Variants in NR1D2 observed in about 807,000 individuals in gnomAD.
NR1D2 encodes nuclear receptor subfamily 1 group D member 2.
NR1D2 carries 25 observed loss-of-function variants against 52.2 expected under a neutral mutation model. The observed-to-expected ratio is 0.48, with a 90% CI of 0.35 to 0.67. The LOEUF (loss-of-function observed/expected upper bound fraction) is 0.67, where lower values mean the gene tolerates loss of function less well. NR1D2 is among the 30% of genes least tolerant of loss of function. The pLI is 0.01. For synonymous variants in NR1D2, 259 were observed against 230.1 expected (o/e 1.13, Z -1.14); for missense variants, 681 against 707.2 (o/e 0.96, Z 0.42).
chr3:23,959,284 ATCAG>A (rs1706175554), intron 3 of NR1D2, among the ~76,000 whole-genome samples: 1 of 151,394 alleles, frequency 6.6e-6, no homozygotes, highest in Non-Finnish European at 1.5e-5. Flanking sequence ...AAAAAAAAGA[ATCAG>A]TCATTCATAC....
In NR1D2 at chr3:23,978,892, T is replaced by A. The variant is rs1385700002; in HGVS notation, c.*1473T>A. ...AGTGGACTTGATTAAGTAGATAAGA[T>A]CAGCATCTGTTTATGGTAGTAGGAG... is the stretch of plus-strand genomic sequence containing the variant. On this transcript the variant is annotated 3_prime_UTR_variant, in exon 8 of 8. Coordinates refer to ENST00000312521, the MANE Select transcript of NR1D2 (RefSeq NM_005126.5). The A allele has an allele frequency of 6.6e-6, 1 of 152,104 alleles. No homozygotes were observed. The highest frequency in any genetic ancestry group is 1.5e-5 in the Non-Finnish European group (1 of 67,958). 9.4% of individuals were successfully genotyped at this position (152,104 alleles called of 1,614,324 possible). A position where few individuals can be genotyped will look rare whatever the true frequency, so the allele number is the denominator to read the frequency against.
intron 1 of NR1D2, among the ~76,000 whole-genome samples, chr3:23,947,222 T>G (rs1361680661): frequency 6.6e-6 from 1 of 152,216 alleles, no homozygotes; most frequent in Non-Finnish European, 1.5e-5. Context: ...TTCTAATAGC[T>G]TTAGTAACCT....
intron 3 of NR1D2, among the ~76,000 whole-genome samples, chr3:23,959,188 AG>A: frequency 6.6e-6 from 1 of 150,906 alleles, no homozygotes; most frequent in Non-Finnish European, 1.5e-5. Flanking sequence ...AAATTGAGCC[AG>A]GGAGGTCAGG....
chr3:23,974,987 T>G (rs1207676721), intron 7 of NR1D2, among the ~76,000 whole-genome samples: 8 of 151,870 alleles, frequency 5.3e-5, no homozygotes, highest in Admixed American at 5.2e-4. Context: ...CCCGGCTAAA[T>G]TTTGTATTTT....
At chr3:23,949,683 C>G (rs1383630737) in intron 1 of NR1D2, among the ~76,000 whole-genome samples, 1 of 152,212 alleles carries the variant, frequency 6.6e-6, no homozygotes, top group Non-Finnish European at 1.5e-5. Flanking sequence ...ATCTACTCTA[C>G]CACCCTTGGA....
At chr3:23,963,339 AGTC>A in intron 5 of NR1D2, 1 of 1,334,616 alleles carries the variant, frequency 7.5e-7, no homozygotes, top group Non-Finnish European at 9.8e-7. Flanking sequence ...AGGTAATTAA[AGTC>A]GTCTTTTTCA....
chr3:23,953,148 C>G (rs894597639), intron 1 of NR1D2, among the ~76,000 whole-genome samples: 1 of 151,070 alleles, frequency 6.6e-6, no homozygotes, highest in African/African-American at 2.4e-5. Context: ...ACCAGTCTGA[C>G]CAACATGGTG....
At chr3:23,954,944 G>C in intron 2 of NR1D2, 141 bp downstream of exon 2, 1 of 730,170 alleles carries the variant, frequency 1.4e-6, no homozygotes, top group Admixed American at 2.7e-5. Context: ...AGTAGTTAGG[G>C]AAGAAATCAG....
intron 1 of NR1D2, chr3:23,946,182 C>A (rs932720929): frequency 1.9e-5 from 19 of 985,212 alleles, no homozygotes; most frequent in Non-Finnish European, 2.3e-5. Context: ...CCGCTGAGCC[C>A]CCGCGGCGGG....
At chr3:23,953,379 T>G (rs1234089738) in intron 1 of NR1D2, among the ~76,000 whole-genome samples, 1 of 150,934 alleles carries the variant, frequency 6.6e-6, no homozygotes, top group South Asian at 2.1e-4. Context: ...AAATGCCAGT[T>G]TTCAGAAGGG....
intron 1 of NR1D2, chr3:23,946,182 C>G (rs932720929): frequency 8.1e-6 from 8 of 985,326 alleles, no homozygotes; most frequent in Non-Finnish European, 9.6e-6. Context: ...CCGCTGAGCC[C>G]CCGCGGCGGG....
chr3:23,965,050 T>C lies in NR1D2; in HGVS notation c.1220T>C (p.Met407Thr), dbSNP rs1237679075. ...CATGAAATCTGGGAAGAATTTTCGA[T>C]GAGCTTCACTCCAGCAGTGAAAGAA... is the stretch of plus-strand genomic sequence containing the variant. The part of the protein sequence containing the change: ...SGHEIWEEFS[M>T]SFTPAVKEVV... Residue 407 changes from methionine (M) to threonine (T), a missense_variant, in exon 6 of 8, where the codon ATG (methionine) becomes ACG (threonine). By Grantham distance (81) the Met-to-Thr change is moderately conservative (BLOSUM62 -1). Transcript: ENST00000312521. The C allele has an allele frequency of 3.1e-6, 5 of 1,611,828 alleles. No individual in the cohort carries two copies. In the East Asian group the frequency reaches 8.9e-5, roughly 29 times the overall value.
chr3:23,951,000 G>T (rs535696736), intron 1 of NR1D2, among the ~76,000 whole-genome samples: 20 of 150,844 alleles, frequency 1.3e-4, no homozygotes, highest in African/African-American at 4.9e-4. Flanking sequence ...CCGCCTCCCG[G>T]GTTCAAGTGA....
At chr3:23,968,212 A>G (rs994144189) in intron 7 of NR1D2, among the ~76,000 whole-genome samples, 189 bp downstream of exon 7, 2 of 152,234 alleles carry the variant, frequency 1.3e-5, no homozygotes, top group Non-Finnish European at 2.9e-5. Flanking sequence ...TCAAAGTACT[A>G]TAGGAATAAA....
chr3:23,970,777 TG>T lies in NR1D2; in HGVS notation c.1543+2755del, dbSNP rs200566976. Among the ~76,000 whole-genome samples the T allele has an allele frequency of 3.0e-4, 45 of 152,234 alleles. No homozygotes were observed. In the East Asian group the frequency reaches 5.0e-3, roughly 17 times the overall value. On this transcript the variant is annotated intron_variant, in intron 7 of 7. Transcript: ENST00000312521. Reference sequence around the variant, plus strand: ...GCTGTTTTTTGTTGTTGTTGTTGTTTGTTTTTTTATTTTTATTTTTGGAGAT... The same window carrying T: ...GCTGTTTTTTGTTGTTGTTGTTGTTTTTTTTTTATTTTTATTTTTGGAGAT...
intron 1 of NR1D2, among the ~76,000 whole-genome samples, chr3:23,948,285 C>G (rs1169163456): frequency 1.3e-5 from 2 of 152,118 alleles, no homozygotes; most frequent in Non-Finnish European, 1.5e-5. Flanking sequence ...CGTGACATCT[C>G]TATGTCTCCT....
intron 1 of NR1D2, 152 bp downstream of exon 1, chr3:23,945,746 C>T (rs1023640463): frequency 9.3e-6 from 5 of 538,500 alleles, no homozygotes; most frequent in African/African-American, 6.1e-5. Flanking sequence ...GCTCGGTTCC[C>T]ATCGCCCCCC....
intron 3 of NR1D2, among the ~76,000 whole-genome samples, chr3:23,956,412 A>G: frequency 6.6e-6 from 1 of 152,242 alleles, no homozygotes; most frequent in Non-Finnish European, 1.5e-5. Context: ...CTCATTCATT[A>G]ATGTGTCAAG....
In NR1D2 at chr3:23,962,409, A is replaced by G; in HGVS notation, c.950A>G (p.His317Arg). 6.2e-7 allele frequency: 1 copy of G among 1,614,158 alleles called. No individual in the cohort carries two copies. Among genetic ancestry groups the G allele is most frequent in the Non-Finnish European group, 8.5e-7 (1 of 1,179,970 alleles). ...TTTCCCTGTAGTGAGAGCCAGCAGC[A>G]TCTCAATGGACAGTTCAAAGGGAGG... is the stretch of plus-strand genomic sequence containing the variant. ...SHFPCSESQQ[H>R]LNGQFKGRNI... The change falls in exon 5 of 8, where the codon CAT (histidine) becomes CGT (arginine). Residue 317 changes from histidine to arginine, a missense_variant. Physicochemically the swap from His to Arg is conservative, Grantham distance 29. Transcript: ENST00000312521.
Sources: allele counts gnomAD v4.1 joint callset (sites outside exome capture counted in the v4.1 genomes callset), GRCh38; gene constraint gnomAD v4.1.1; transcripts MANE v1.5; gene names NCBI Gene and HGNC (gene_info 2026-07-23, HGNC 2026-07-21).